ABCA4: variants seen among roughly 807,000 people sequenced by gnomAD.
ABCA4 encodes the protein ATP binding cassette subfamily A member 4.
Under a neutral mutation model 263.7 loss-of-function variants are expected in ABCA4, and 196 were observed. The observed-to-expected ratio is 0.74, with a 90% CI of 0.66 to 0.84. The LOEUF is 0.84. Among genes scored for constraint, ABCA4 ranks in the 40% least tolerant of loss-of-function variants. The pLI, the probability that ABCA4 is intolerant of heterozygous loss-of-function variation, is 0.00. For synonymous variants in ABCA4, 1,133 were observed against 1,094.2 expected (o/e 1.04, Z -0.70); for missense variants, 2,792 against 2,855.1 (o/e 0.98, Z 0.50).
rs1248210975 is a variant in ABCA4 at position 94,030,503 on chromosome 1, T to A, written c.4277A>T (p.Gln1426Leu). ...GAGGACGTCTGCAAGTACCGTGAACTGCTCACTGCCTGGTTCATCCATGCT... is the reference window on the plus strand; with the variant it reads ...GAGGACGTCTGCAAGTACCGTGAACAGCTCACTGCCTGGTTCATCCATGCT... ...FFSMDEPGSE[Q>L]FTVLADVLLN... Residue 1426 changes from glutamine (Q) to leucine (L), a missense_variant, in exon 29 of 50, where the codon CAG becomes CTG. By Grantham distance (113) the Gln-to-Leu change is moderately radical (BLOSUM62 -2). Transcript: ENST00000370225. 1 of 1,614,098 alleles carries A rather than the reference T, an allele frequency of 6.2e-7. No individual in the cohort carries two copies. Among genetic ancestry groups the A allele is most frequent in the Non-Finnish European group, 8.5e-7 (1 of 1,180,030 alleles).
chr1:93,999,858 A>C (rs568066040), intron 47 of ABCA4, among the ~76,000 whole-genome samples: 1 of 152,356 alleles, frequency 6.6e-6, no homozygotes, highest in East Asian at 1.9e-4. Flanking sequence ...AGTTGGACAC[A>C]GGAAGTTGCT....
chr1:94,001,931 G>C lies in ABCA4; in HGVS notation c.6209C>G (p.Thr2070Arg). The C allele has an allele frequency of 3.1e-6, 5 of 1,614,162 alleles. No individual in the cohort carries two copies. The highest frequency in any genetic ancestry group is 4.2e-6 in the Non-Finnish European group (5 of 1,180,024). The change falls in exon 45 of 50, where the codon ACG becomes AGG. Residue 2070 changes from threonine (T) to arginine (R), a missense_variant. Coordinates refer to ENST00000370225, the MANE Select transcript of ABCA4 (RefSeq NM_000350.3). Reference sequence around the variant, plus strand: ...TTTCCGCTTGTTGCCCCCACTGTACGTGCCAGCCAGGCAGTCGGCGTAGAC... The same window carrying C: ...TTTCCGCTTGTTGCCCCCACTGTACCTGCCAGCCAGGCAGTCGGCGTAGAC... Reference protein sequence around the residue: ...LTVYADCLAGTYSGGNKRKLS... With the variant: ...LTVYADCLAGRYSGGNKRKLS...
At chr1:94,046,884 A>G (rs1272279070) in intron 19 of ABCA4, 35 bp downstream of exon 19, 2 of 1,610,292 alleles carry the variant, frequency 1.2e-6, no homozygotes, top group Admixed American at 1.7e-5. Flanking sequence ...ATGACAGGCT[A>G]GCATGGCAGC....
rs141949295 is a variant in ABCA4, at chr1:94,026,193, C to T, written c.4540-1145G>A. Among the ~76,000 whole-genome samples the T allele has an allele frequency of 2.0e-3, 310 of 152,224 alleles. 1 individual carries two copies. The highest frequency in any genetic ancestry group is 6.7e-3 in the African/African-American group (277 of 41,554). On this transcript the variant is annotated intron_variant, in intron 30 of 49. Transcript: ENST00000370225. ...CCGCCGTTATTGCGCACCATTCTTT[C>T]CTTTTCATACACTTTCTATCTCCTC... is the stretch of plus-strand genomic sequence containing the variant.
chr1:94,026,267 C>T (rs878878232), intron 30 of ABCA4, among the ~76,000 whole-genome samples: 3 of 152,194 alleles, frequency 2.0e-5, no homozygotes, highest in African/African-American at 7.2e-5. Flanking sequence ...ACTCTTTTCA[C>T]CTTGTTTCTC....
intron 26 of ABCA4, among the ~76,000 whole-genome samples, chr1:94,035,099 C>T (rs1046016415): frequency 6.6e-6 from 1 of 152,196 alleles, no homozygotes; most frequent in African/African-American, 2.4e-5. Context: ...TTGACTGTAT[C>T]TTTGGAACAT....
intron 11 of ABCA4, among the ~76,000 whole-genome samples, chr1:94,064,329 T>C (rs547595500): frequency 4.6e-5 from 7 of 152,336 alleles, no homozygotes; most frequent in Non-Finnish European, 8.8e-5. Context: ...CAGGTTCTAA[T>C]GAAAGCAAGC....
At chr1:94,010,726 T>C in intron 40 of ABCA4, 74 bp downstream of exon 40, 1 of 1,606,896 alleles carries the variant, frequency 6.2e-7, no homozygotes, top group Non-Finnish European at 8.5e-7. Flanking sequence ...AGGAAAGAAA[T>C]GACCATGTGG....
At chr1:94,098,659 G>A in intron 6 of ABCA4, 135 bp downstream of exon 6, 1 of 1,004,560 alleles carries the variant, frequency 1.0e-6, no homozygotes, top group Non-Finnish European at 1.5e-6. Flanking sequence ...GTGATTTTTT[G>A]AGCCCTGGGA....
intron 16 of ABCA4, among the ~76,000 whole-genome samples, chr1:94,052,323 T>C (rs1297085107): frequency 6.6e-6 from 1 of 152,248 alleles, no homozygotes; most frequent in Admixed American, 6.5e-5. Flanking sequence ...CCCAAATTTC[T>C]AGTCCAGTTC....
chr1:94,019,853 AC>A, intron 35 of ABCA4, 94 bp from the exon 36 acceptor site: 2 of 1,399,656 alleles, frequency 1.4e-6, no homozygotes, highest in Admixed American at 2.0e-5. Flanking sequence ...AAGGCCTTAC[AC>A]CCGCCCAGGT....
intron 4 of ABCA4, among the ~76,000 whole-genome samples, chr1:94,106,299 A>G (rs1662432193): frequency 6.6e-6 from 1 of 152,160 alleles, no homozygotes; most frequent in Admixed American, 6.5e-5. Flanking sequence ...TCTCATATCC[A>G]CATTGTAAAA....
intron 26 of ABCA4, among the ~76,000 whole-genome samples, chr1:94,034,486 G>T (rs1027372489): frequency 1.3e-5 from 2 of 152,074 alleles, no homozygotes; most frequent in African/African-American, 4.8e-5. Flanking sequence ...GTCAGCCACA[G>T]ACCCTCTCCA....
At position 94,098,907 on chromosome 1, in the gene ABCA4, T is replaced by A. The variant is rs757557272; in HGVS notation, c.655A>T (p.Arg219Ter). ...LLERFIIFSQRRGAKTVRYAL... is the reference protein window; with the variant it reads ...LLERFIIFSQ ...TAGCGCACCGTCTTTGCCCCGCGTCTCTGGCTGAAGATGATGAAGCGCTCC... is the reference window on the plus strand; with the variant it reads ...TAGCGCACCGTCTTTGCCCCGCGTCACTGGCTGAAGATGATGAAGCGCTCC... Residue 219 changes from arginine (R) to a stop codon, truncating the protein, a stop_gained, in exon 6 of 50, where the codon AGA (arginine) becomes TGA (stop). Transcript: ENST00000370225. LOFTEE classifies it high-confidence loss of function. The A allele has an allele frequency of 1.7e-5, 27 of 1,613,816 alleles. No individual in the cohort carries two copies. Among genetic ancestry groups the A allele is most frequent in the African/African-American group, 2.7e-5 (2 of 74,936 alleles).
chr1:94,051,749 T>C (rs992682212), intron 16 of ABCA4, 51 bp from the exon 17 acceptor site: 6 of 1,360,528 alleles, frequency 4.4e-6, no homozygotes, highest in Admixed American at 1.7e-5. Context: ...CTCCCTATCC[T>C]ACCTTACCGC....
chr1:94,042,735 C>G, intron 22 of ABCA4, 26 bp downstream of exon 22: 2 of 1,614,106 alleles, frequency 1.2e-6, no homozygotes, highest in Non-Finnish European at 1.7e-6. Context: ...AGAGCCCAGC[C>G]CAGGAGACTG....
chr1:94,070,362 ACTT>A (rs1022527924), intron 11 of ABCA4, among the ~76,000 whole-genome samples: 4 of 152,006 alleles, frequency 2.6e-5, no homozygotes, highest in African/African-American at 7.2e-5. Context: ...TCCAGGCACT[ACTT>A]CTTCTCCCCT....
At chr1:94,085,613 C>T (rs1269616160) in intron 6 of ABCA4, among the ~76,000 whole-genome samples, 3 of 152,186 alleles carry the variant, frequency 2.0e-5, no homozygotes, top group African/African-American at 4.8e-5. Context: ...CCAATCCAGT[C>T]ATGTCGCTTT....
chr1:94,008,801 T>G lies in ABCA4; in HGVS notation c.5785A>C (p.Ile1929Leu), dbSNP rs1239043938. The change falls in exon 41 of 50, where the codon ATT (isoleucine) becomes CTT (leucine). Residue 1929 changes from isoleucine to leucine, a missense_variant. Coordinates refer to ENST00000370225, the MANE Select transcript of ABCA4 (RefSeq NM_000350.3). Reference protein sequence around the residue: ...DDVAEERQRIITGGNKTDILR... With the variant: ...DDVAEERQRILTGGNKTDILR... ...ATGTCAGTTTTATTTCCACCAGTAA[T>G]AATTCTTTGTCTTTCTTCAGCCACA... 3 of 1,613,934 alleles carry G rather than the reference T, an allele frequency of 1.9e-6. No individual in the cohort carries two copies. The South Asian group carries it at 3.3e-5, about 18-fold the overall frequency.
Sources: gnomAD v4.1 joint callset for allele counts (sites outside exome capture counted in the v4.1 genomes callset) on GRCh38, gnomAD v4.1.1 for gene constraint, MANE v1.5 for transcripts, NCBI Gene and HGNC (gene_info 2026-07-23, HGNC 2026-07-21) for gene names.